CFAP221: variants seen among roughly 807,000 people sequenced by gnomAD.
CFAP221 encodes the protein cilia- and flagella-associated protein 221.
CFAP221 carries 97 observed loss-of-function variants against 113.1 expected under a neutral mutation model. The ratio of observed to expected loss-of-function variants is 0.86; its 90% CI spans 0.73 to 1.02. The LOEUF (loss-of-function observed/expected upper bound fraction) is 1.02. CFAP221 is among the 50% of genes least tolerant of loss of function. CFAP221 has a pLI of 0.00. For synonymous variants in CFAP221, 331 were observed against 354.4 expected, an observed-to-expected ratio of 0.93 and a Z score of 0.74; for missense variants, 1,025 against 1,013.4, an observed-to-expected ratio of 1.01 and a Z score of -0.16.
chr2:119,645,527 A>G (rs1300093200), intron 21 of CFAP221, among the ~76,000 whole-genome samples: 1 of 151,530 alleles, frequency 6.6e-6, no homozygotes, highest in Admixed American at 6.6e-5. Flanking sequence ...AAGTCATTCT[A>G]TATCAGCTCA....
chr2:119,601,271 C>T lies in CFAP221; in HGVS notation c.685C>T (p.Gln229Ter). The T allele has an allele frequency of 2.0e-6, 3 of 1,534,848 alleles. No individual in the cohort carries two copies. Among genetic ancestry groups the T allele is most frequent in the Non-Finnish European group, 2.6e-6 (3 of 1,146,150 alleles). Reference sequence around the variant, plus strand: ...TGTGACTATTAAGTTTACACCCTTTCAGTATGGGACTGCACAAATAAAAAT... The same window carrying T: ...TGTGACTATTAAGTTTACACCCTTTTAGTATGGGACTGCACAAATAAAAAT... The part of the protein sequence containing the change: ...MTVTIKFTPF[Q>*]YGTAQIKMQL... The change falls in exon 8 of 24, where the codon CAG becomes TAG. Residue 229 changes from glutamine to a stop codon, truncating the protein, a stop_gained. Transcript: ENST00000413369. LOFTEE classifies it high-confidence loss of function.
At chr2:119,585,313 G>A (rs1683133625) in intron 6 of CFAP221, among the ~76,000 whole-genome samples, 1 of 152,024 alleles carries the variant, frequency 6.6e-6, no homozygotes, top group Non-Finnish European at 1.5e-5. Flanking sequence ...ACAGGGTAGG[G>A]GTCACTTATA....
intron 7 of CFAP221, among the ~76,000 whole-genome samples, chr2:119,593,855 A>G (rs1353270300): frequency 6.6e-6 from 1 of 151,622 alleles, no homozygotes; most frequent in Non-Finnish European, 1.5e-5. Context: ...AAACAAAACG[A>G]AACAACAACA....
At position 119,604,765 on chromosome 2, in the gene CFAP221, A is replaced by C. The variant is rs1446873739; in HGVS notation, c.885A>C (p.Pro295=). ...AMMHINFHRP[P]AKPKPQKVKE... is the part of the protein sequence containing the mutation. ...TGCATATAAATTTTCACCGACCGCC[A>C]GCGAAGCCGAAGCCTCAGAAGGTGA... Residue 295 remains proline, a synonymous_variant, in exon 9 of 24, where the codon CCA becomes CCC. Transcript: ENST00000413369. 10 of 1,544,630 alleles carry C rather than the reference A, an allele frequency of 6.5e-6. No homozygotes were observed. Among genetic ancestry groups the C allele is most frequent in the Non-Finnish European group, 8.7e-6 (10 of 1,149,484 alleles).
intron 23 of CFAP221, among the ~76,000 whole-genome samples, chr2:119,653,605 A>G (rs765536035): frequency 5.9e-5 from 9 of 152,340 alleles, no homozygotes; most frequent in East Asian, 1.9e-4. Context: ...TCCGTTATCA[A>G]TAGTTCTGCA....
intron 6 of CFAP221, among the ~76,000 whole-genome samples, chr2:119,571,689 C>T (rs1682070842): frequency 6.6e-6 from 1 of 152,090 alleles, no homozygotes; most frequent in South Asian, 2.1e-4. Context: ...AACTCCTGAG[C>T]TCAAGAGATC....
intron 19 of CFAP221, among the ~76,000 whole-genome samples, chr2:119,634,548 G>A (rs750017340): frequency 1.3e-5 from 2 of 152,140 alleles, no homozygotes; most frequent in African/African-American, 2.4e-5. Flanking sequence ...ATTCACAATA[G>A]CTAAGATGTG....
intron 6 of CFAP221, among the ~76,000 whole-genome samples, chr2:119,585,597 C>G (rs533363886): frequency 1.3e-5 from 2 of 152,022 alleles, no homozygotes; most frequent in Non-Finnish European, 2.9e-5. Context: ...TTTTATTGTT[C>G]TTTACATTTT....
chr2:119,546,070 C>A lies in CFAP221; in HGVS notation c.-47-15C>A. 2 of 1,462,028 alleles carry A rather than the reference C, an allele frequency of 1.4e-6. No homozygotes were observed. Among genetic ancestry groups the A allele is most frequent in the Non-Finnish European group, 1.8e-6 (2 of 1,110,090 alleles). 90.6% of individuals were successfully genotyped at this position (1,462,028 alleles called of 1,614,324 possible). ...TTTCTCATGGATGATTATACTGCTG[C>A]TCTTTCCTCCCCAGGACATGACCTT... On this transcript the variant is annotated splice_polypyrimidine_tract_variant and intron_variant, in intron 1 of 23. Transcript: ENST00000413369.
chr2:119,594,020 G>A (rs187717451), intron 7 of CFAP221, among the ~76,000 whole-genome samples: 126 of 152,254 alleles, frequency 8.3e-4, no homozygotes, highest in Non-Finnish European at 1.2e-3. Flanking sequence ...ATTTCAACAT[G>A]AGATTTGCAG....
At chr2:119,582,089 G>T (rs1682884867) in intron 6 of CFAP221, among the ~76,000 whole-genome samples, 1 of 151,954 alleles carries the variant, frequency 6.6e-6, no homozygotes, top group South Asian at 2.1e-4. Flanking sequence ...TTTTCCCAAG[G>T]AAGAAAATAA....
At chr2:119,553,095 T>G (rs1015023165) in intron 3 of CFAP221, among the ~76,000 whole-genome samples, 2 of 152,108 alleles carry the variant, frequency 1.3e-5, no homozygotes, top group African/African-American at 4.8e-5. Flanking sequence ...AACCACCAAA[T>G]AACTCAGACA....
At chr2:119,556,856 T>C (rs2104526174) in intron 3 of CFAP221, among the ~76,000 whole-genome samples, 1 of 152,288 alleles carries the variant, frequency 6.6e-6, no homozygotes, top group Admixed American at 6.5e-5. Context: ...CCAGCCCTCC[T>C]ATTGCAAATT....
intron 22 of CFAP221, among the ~76,000 whole-genome samples, chr2:119,647,821 T>C (rs972382591): frequency 1.3e-5 from 2 of 152,262 alleles, no homozygotes; most frequent in African/African-American, 4.8e-5. Context: ...TTAAGTTTTC[T>C]AGTTTAATTA....
chr2:119,637,151 A>T (rs1230399147), intron 19 of CFAP221, among the ~76,000 whole-genome samples: 1 of 152,068 alleles, frequency 6.6e-6, no homozygotes, highest in Admixed American at 6.6e-5. Context: ...TTTCCACATT[A>T]CTGTGGGCAT....
At chr2:119,643,990 T>C (rs1028952722) in intron 21 of CFAP221, among the ~76,000 whole-genome samples, 1 of 151,914 alleles carries the variant, frequency 6.6e-6, no homozygotes, top group Non-Finnish European at 1.5e-5. Flanking sequence ...TCGTCTCTAC[T>C]AAAAATACAA....
At chr2:119,590,233 A>T (rs934376352) in intron 7 of CFAP221, 5 of 152,218 alleles carry the variant, frequency 3.3e-5, no homozygotes, top group Non-Finnish European at 4.4e-5. Flanking sequence ...TATAAGAAAA[A>T]TATAAGCCAC....
chr2:119,585,198 AAAAC>A (rs1234374348), intron 6 of CFAP221, among the ~76,000 whole-genome samples: 9 of 152,254 alleles, frequency 5.9e-5, no homozygotes, highest in African/African-American at 9.6e-5. Flanking sequence ...ATATTGTTAA[AAAAC>A]AAACAACATA....
At chr2:119,628,997 G>T (rs1340175759) in intron 16 of CFAP221, among the ~76,000 whole-genome samples, 1 of 152,112 alleles carries the variant, frequency 6.6e-6, no homozygotes, top group Admixed American at 6.5e-5. Context: ...GCTGCTCAGG[G>T]TTATTGAAAA....
Sources: gnomAD v4.1 joint callset for allele counts (sites outside exome capture counted in the v4.1 genomes callset) on GRCh38, gnomAD v4.1.1 for gene constraint, MANE v1.5 for transcripts, NCBI Gene and HGNC (gene_info 2026-07-23, HGNC 2026-07-21) for gene names.